ATXN1: variants seen among roughly 807,000 people sequenced by gnomAD.
ATXN1 encodes the protein ataxin 1.
A neutral mutation model predicts 56.4 loss-of-function variants in ATXN1; 8 were observed. The ratio of observed to expected loss-of-function variants is 0.14; its 90% confidence interval spans 0.08 to 0.26. The LOEUF is 0.26. Among genes scored for constraint, ATXN1 ranks in the 10% least tolerant of loss-of-function variants. The pLI is 1.00. For missense variants in ATXN1, 987 were observed against 1,106.5 expected (o/e 0.89, Z 1.53); for synonymous variants, 514 against 494.6 (o/e 1.04, Z -0.52).
intron 3 of ATXN1, among the ~76,000 whole-genome samples, chr6:16,592,496 C>T (rs1275880342): frequency 6.6e-6 from 1 of 152,088 alleles, no homozygotes; most frequent in African/African-American, 2.4e-5. Context: ...CTACCCAGGC[C>T]CACAGTTAGA....
intron 6 of ATXN1, among the ~76,000 whole-genome samples, chr6:16,352,981 C>G (rs553942963): frequency 1.3e-5 from 2 of 152,144 alleles, no homozygotes; most frequent in Admixed American, 1.3e-4. Context: ...CCAAGATGGC[C>G]GCTAGGTGAC....
chr6:16,358,605 G>A (rs1398755878), intron 6 of ATXN1, among the ~76,000 whole-genome samples: 2 of 152,224 alleles, frequency 1.3e-5, no homozygotes, highest in African/African-American at 2.4e-5. Flanking sequence ...AGCTGGCTGC[G>A]CGGCTGGTGC....
At chr6:16,621,476 C>T (rs1176322199) in intron 3 of ATXN1, among the ~76,000 whole-genome samples, 1 of 152,252 alleles carries the variant, frequency 6.6e-6, no homozygotes, top group African/African-American at 2.4e-5. Context: ...AATCCCAACA[C>T]TTTGGGAGGC....
At chr6:16,601,181 C>T (rs1762904717) in intron 3 of ATXN1, among the ~76,000 whole-genome samples, 1 of 152,182 alleles carries the variant, frequency 6.6e-6, no homozygotes, top group South Asian at 2.1e-4. Flanking sequence ...TTAGAAAGCA[C>T]GTCCCAACGT....
In ATXN1 at chr6:16,461,838, C is replaced by A. The variant is rs116890067; in HGVS notation, c.-161+24134G>T. Among the ~76,000 whole-genome samples the A allele has an allele frequency of 5.3e-5, 8 of 152,314 alleles. No homozygotes were observed. The East Asian group carries it at 1.5e-3, about 29-fold the overall frequency. On this transcript the variant is annotated intron_variant, in intron 6 of 7. Transcript: ENST00000436367. ...GGGAAGGCTGAGAAGGCAAACGAAA[C>A]ACTCAAGAGGCACTTAAGGAAACGA... is the stretch of plus-strand genomic sequence containing the variant.
intron 4 of ATXN1, among the ~76,000 whole-genome samples, chr6:16,579,322 T>C (rs1309910392): frequency 2.0e-5 from 3 of 152,038 alleles, no homozygotes; most frequent in Admixed American, 6.6e-5. Context: ...AGTGACCGCT[T>C]TTCATAGGTT....
At chr6:16,369,606 A>C (rs182833465) in intron 6 of ATXN1, among the ~76,000 whole-genome samples, 2 of 152,348 alleles carry the variant, frequency 1.3e-5, no homozygotes, top group East Asian at 3.9e-4. Context: ...GCTCCTGGTA[A>C]GCACTTACAG....
chr6:16,695,550 T>C (rs1339002919), intron 2 of ATXN1, among the ~76,000 whole-genome samples: 2 of 152,170 alleles, frequency 1.3e-5, no homozygotes, highest in Non-Finnish European at 2.9e-5. Context: ...TCTAGAGCCC[T>C]GGGCCCAGCC....
intron 7 of ATXN1, among the ~76,000 whole-genome samples, chr6:16,321,157 A>G (rs1055723810): frequency 3.9e-5 from 6 of 152,168 alleles, no homozygotes; most frequent in African/African-American, 1.4e-4. Context: ...GCATTTTCCA[A>G]GCAGCTAACC....
chr6:16,434,722 T>C (rs1234866428), intron 6 of ATXN1, among the ~76,000 whole-genome samples: 1 of 152,210 alleles, frequency 6.6e-6, no homozygotes, highest in East Asian at 1.9e-4. Context: ...GAATCTGCTA[T>C]ACACCAGGCA....
chr6:16,422,264 C>T (rs1371322318), intron 6 of ATXN1, among the ~76,000 whole-genome samples: 2 of 152,164 alleles, frequency 1.3e-5, no homozygotes, highest in African/African-American at 2.4e-5. Flanking sequence ...TTTTTGCCAG[C>T]AGAAAGATAT....
At chr6:16,459,619 C>T (rs12110809) in intron 6 of ATXN1, among the ~76,000 whole-genome samples, 4,270 of 152,290 alleles carry the variant, frequency 0.028, 169 homozygotes, top group African/African-American at 0.09. Context: ...CTCAAGGATG[C>T]TGCCTTCTGC....
At chr6:16,704,796 C>A (rs1468781704) in intron 2 of ATXN1, among the ~76,000 whole-genome samples, 1 of 152,206 alleles carries the variant, frequency 6.6e-6, no homozygotes, top group African/African-American at 2.4e-5. Context: ...TTCTTGACAA[C>A]CTTCACGAGA....
chr6:16,584,223 C>CATATATATATATATATATATATAT (rs746676585), intron 4 of ATXN1, among the ~76,000 whole-genome samples: 36 of 80,610 alleles, frequency 4.5e-4, no homozygotes, highest in South Asian at 2.0e-3. Context: ...CGATATTGGA[C>CATATATATATATATATATATATAT]ATATATATAT....
intron 6 of ATXN1, among the ~76,000 whole-genome samples, chr6:16,424,461 C>T (rs182033117): frequency 1.1e-3 from 175 of 152,270 alleles, no homozygotes; most frequent in Admixed American, 1.4e-3. Context: ...AAACCTTCGG[C>T]TATTTAATAA....
intron 4 of ATXN1, among the ~76,000 whole-genome samples, chr6:16,584,243 T>TATATAC (rs1403082306): frequency 1.7e-5 from 2 of 118,520 alleles, no homozygotes; most frequent in African/African-American, 6.6e-5. Context: ...TATATATATA[T>TATATAC]ACACACACAC....
intron 2 of ATXN1, among the ~76,000 whole-genome samples, chr6:16,744,861 C>T (rs914649780): frequency 3.3e-5 from 5 of 152,090 alleles, no homozygotes; most frequent in Non-Finnish European, 7.4e-5. Flanking sequence ...AAACTTGAAC[C>T]GTTGTACAAC....
chr6:16,448,964 C>T (rs547385852), intron 6 of ATXN1, among the ~76,000 whole-genome samples: 3 of 152,338 alleles, frequency 2.0e-5, no homozygotes, highest in African/African-American at 7.2e-5. Flanking sequence ...AAGAGTTCTT[C>T]TGAAGTTAGA....
chr6:16,569,759 T>A (rs1762298922), intron 4 of ATXN1, among the ~76,000 whole-genome samples: 1 of 152,120 alleles, frequency 6.6e-6, no homozygotes. Flanking sequence ...ATTCTCCACT[T>A]TACCTGCAGT....
Sources: gnomAD v4.1 joint callset for allele counts (sites outside exome capture counted in the v4.1 genomes callset) on GRCh38, gnomAD v4.1.1 for gene constraint, MANE v1.5 for transcripts, NCBI Gene and HGNC (gene_info 2026-07-23, HGNC 2026-07-21) for gene names.